Variants in PLCXD1 observed in about 807,000 individuals in gnomAD.
PLCXD1 encodes phosphatidylinositol specific phospholipase C X domain containing 1.
In PLCXD1, 45 loss-of-function variants were observed where a neutral mutation model predicts 37.8. The ratio of observed to expected loss-of-function variants is 1.19; its 90% confidence interval spans 0.94 to 1.53. The LOEUF (loss-of-function observed/expected upper bound fraction) is 1.53, where lower values mean the gene tolerates loss of function less well. PLCXD1 is among the 40% of genes most tolerant of loss of function. The pLI is 0.00. For missense variants in PLCXD1, 539 were observed against 454.7 expected, an observed-to-expected ratio of 1.19 and a Z score of -1.69; for synonymous variants, 246 against 206.9, an observed-to-expected ratio of 1.19 and a Z score of -1.62.
At chrX:289,080 C>T (rs2069546448) in intron 3 of PLCXD1, among the ~76,000 whole-genome samples, 1 of 152,088 alleles carries the variant, frequency 6.6e-6, no homozygotes, top group Non-Finnish European at 1.5e-5. Flanking sequence ...GAGAGGGGAA[C>T]AGTGTTTTTA....
At position 299,316 on chromosome X, in the gene PLCXD1, A is replaced by G. The variant is rs1602921787; in HGVS notation, c.953A>G (p.Gln318Arg). Reference sequence around the variant, plus strand: ...GTCAGTGACGTCATCGCGCTCAATCAGAAGCTGCTGTGGTGCTGACGGGAC... The same window carrying G: ...GTCAGTGACGTCATCGCGCTCAATCGGAAGCTGCTGTGGTGCTGACGGGAC... ...GFVSDVIALN[Q>R]KLLWC Residue 318 changes from glutamine to arginine, a missense_variant, in exon 7 of 7, where the codon CAG becomes CGG. Gln to Arg is a conservative substitution (Grantham distance 43, BLOSUM62 1). Transcript: ENST00000381657. 4 of 1,613,266 alleles carry G rather than the reference A, an allele frequency of 2.5e-6. No individual in the cohort carries two copies. The highest frequency in any genetic ancestry group is 3.4e-6 in the Non-Finnish European group (4 of 1,179,378).
intron 6 of PLCXD1, among the ~76,000 whole-genome samples, chrX:294,271 A>G (rs1022147205): frequency 5.3e-5 from 8 of 152,116 alleles, no homozygotes; most frequent in Middle Eastern, 3.4e-3. Context: ...TCATGAGGTC[A>G]GGAGATCGAG....
Position 291,534 on chromosome X carries a change from G to A in PLCXD1, c.429G>A (p.Arg143=), listed in dbSNP as rs764922414. The A allele has an allele frequency of 8.4e-5, 136 of 1,612,808 alleles. 1 individual carries two copies. In the South Asian group the frequency reaches 1.4e-3, roughly 17 times the overall value. ...TLTEISEWLE[R]HPREVVILAC... is the part of the protein sequence containing the mutation. ...CGGAAATCTCGGAGTGGCTGGAGCG[G>A]CATCCACGCGAGGTGGTCATCCTGG... The change falls in exon 5 of 7, where the codon CGG becomes CGA. Residue 143 remains arginine (R), a synonymous_variant. Transcript: ENST00000381657.
chrX:277,230 G>C (rs749582421), upstream of PLCXD1, among the ~76,000 whole-genome samples: 5 of 149,912 alleles, frequency 3.3e-5, no homozygotes, highest in African/African-American at 9.8e-5. Flanking sequence ...TCAGTGGTCA[G>C]GGGACTTGGG....
chrX:293,274 C>A, intron 6 of PLCXD1, 56 bp downstream of exon 6: 1 of 1,391,004 alleles, frequency 7.2e-7, no homozygotes, highest in Non-Finnish European at 1.0e-6. Flanking sequence ...TGACGCCCTG[C>A]GGCAGGCCGG....
chrX:302,663 C>T lies in PLCXD1; in HGVS notation c.*3328C>T, dbSNP rs1326769260. On this transcript the variant is annotated 3_prime_UTR_variant, in exon 7 of 7. Coordinates refer to ENST00000381657, the MANE Select transcript of PLCXD1 (RefSeq NM_018390.4). ...TCCTGGCTCACTGCAACCTCCACCT[C>T]CCGGGTTCCAGCAAATTCTCCTGCC... is the stretch of plus-strand genomic sequence containing the variant. The T allele has an allele frequency of 2.0e-5, 3 of 152,098 alleles. No homozygotes were observed. Among genetic ancestry groups the T allele is most frequent in the Non-Finnish European group, 4.4e-5 (3 of 68,028 alleles). The allele number at this position is 152,098 out of a possible 1,614,324, so 9.4% of individuals were successfully genotyped here. A position where few individuals can be genotyped will look rare whatever the true frequency, so the allele number is the denominator to read the frequency against.
upstream of PLCXD1, among the ~76,000 whole-genome samples, chrX:276,567 G>C (rs1025571949): frequency 3.3e-5 from 5 of 152,164 alleles, no homozygotes; most frequent in African/African-American, 1.2e-4. Context: ...TTCAGGGGGA[G>C]GGTCGCCTGG....
In PLCXD1 at chrX:283,615, C is replaced by A. The variant is rs2069348807; in HGVS notation, c.-21-552C>A. ...CCGTGGTGCCAGGCCCGGGTGGGGG[C>A]GGCCGTGTTGCCAGGCCCGGGTGGG... On this transcript the variant is annotated intron_variant, in intron 1 of 6. Coordinates refer to ENST00000381657, the MANE Select transcript of PLCXD1 (RefSeq NM_018390.4). 3 of 106,456 alleles carry A rather than the reference C, an allele frequency of 2.8e-5. No homozygotes were observed. The East Asian group carries it at 1.0e-3, about 35-fold the overall frequency. 6.6% of individuals were successfully genotyped at this position (106,456 alleles called of 1,614,324 possible).
chrX:290,263 T>TA (rs746561764), intron 3 of PLCXD1, among the ~76,000 whole-genome samples: 60 of 152,142 alleles, frequency 3.9e-4, no homozygotes, highest in African/African-American at 1.3e-3. Context: ...ACATCTCTAC[T>TA]AAAAATACAA....
intron 2 of PLCXD1, among the ~76,000 whole-genome samples, chrX:284,801 C>T: frequency 6.6e-6 from 1 of 152,334 alleles, no homozygotes; most frequent in Middle Eastern, 3.4e-3. Flanking sequence ...GGGGAGGCCT[C>T]ACAATCACGG....
In PLCXD1 at chrX:299,652, G is replaced by C; in HGVS notation, c.*317G>C. The C allele has an allele frequency of 2.1e-6, 1 of 472,770 alleles. No homozygotes were observed. The highest frequency in any genetic ancestry group is 3.8e-6 in the Non-Finnish European group (1 of 261,738). The allele number at this position is 472,770 out of a possible 1,614,324, so 29.3% of individuals were successfully genotyped here. On this transcript the variant is annotated 3_prime_UTR_variant, in exon 7 of 7. Transcript: ENST00000381657. ...GGCGCCTGTAGTCCCAGTTACTCGG[G>C]AGGCTCAGGCAGGAGAACTGCTTGA...
Position 302,335 on chromosome X carries a change from GTTTC to G in PLCXD1, c.*3006_*3009del, listed in dbSNP as rs1045273034. ...ACTCGCACACCGGTTTTCTGCACAG[GTTTC>G]TTTCTGCCTCTGAAGCGTGAACGGT... On this transcript the variant is annotated 3_prime_UTR_variant, in exon 7 of 7. Transcript: ENST00000381657. 2.0e-5 allele frequency: 3 copies of G among 152,174 alleles called. No individual in the cohort carries two copies. Among genetic ancestry groups the G allele is most frequent in the African/African-American group, 4.8e-5 (2 of 41,432 alleles). 9.4% of individuals were successfully genotyped at this position (152,174 alleles called of 1,614,324 possible). A position where few individuals can be genotyped will look rare whatever the true frequency, so the allele number is the denominator to read the frequency against.
chrX:289,311 T>A (rs1419270269), intron 3 of PLCXD1, among the ~76,000 whole-genome samples: 6 of 151,756 alleles, frequency 4.0e-5, no homozygotes, highest in Non-Finnish European at 7.4e-5. Flanking sequence ...ATGGTCTTGA[T>A]CTCCTGACCT....
At chrX:294,211 G>T (rs755232028) in intron 6 of PLCXD1, among the ~76,000 whole-genome samples, 1 of 152,128 alleles carries the variant, frequency 6.6e-6, no homozygotes, top group Non-Finnish European at 1.5e-5. Flanking sequence ...GGCCGGGCGC[G>T]GTGGCTCACG....
At chrX:283,879 T>TCTC in intron 1 of PLCXD1, 1 of 40,734 alleles carries the variant, frequency 2.5e-5, no homozygotes, top group Non-Finnish European at 4.8e-5. Flanking sequence ...TCTCTCTCTC[T>TCTC]TTTTTTTTTT....
At chrX:290,546 T>C (rs2069596600) in intron 3 of PLCXD1, 102 bp from the exon 4 acceptor site, 3 of 1,266,812 alleles carry the variant, frequency 2.4e-6, no homozygotes, top group Non-Finnish European at 3.4e-6. Context: ...CACGTCCCAG[T>C]GGGCAGCAGG....
At chrX:288,516 C>T (rs2069526719) in intron 2 of PLCXD1, among the ~76,000 whole-genome samples, 1 of 152,150 alleles carries the variant, frequency 6.6e-6, no homozygotes, top group Non-Finnish European at 1.5e-5. Flanking sequence ...TCATTTCAAC[C>T]TAATGATATC....
chrX:299,656 C>T lies in PLCXD1; in HGVS notation c.*321C>T, dbSNP rs1222585610. 4 of 463,160 alleles carry T rather than the reference C, an allele frequency of 8.6e-6. No homozygotes were observed. The highest frequency in any genetic ancestry group is 3.9e-5 in the African/African-American group (2 of 50,894). The allele number at this position is 463,160 out of a possible 1,614,324, so 28.7% of individuals were successfully genotyped here. On this transcript the variant is annotated 3_prime_UTR_variant, in exon 7 of 7. Coordinates refer to ENST00000381657, the MANE Select transcript of PLCXD1 (RefSeq NM_018390.4). ...CCTGTAGTCCCAGTTACTCGGGAGGCTCAGGCAGGAGAACTGCTTGAAGCC... is the reference window on the plus strand; with the variant it reads ...CCTGTAGTCCCAGTTACTCGGGAGGTTCAGGCAGGAGAACTGCTTGAAGCC...
At chrX:290,534 TC>T in intron 3 of PLCXD1, 113 bp from the exon 4 acceptor site, 1 of 1,125,532 alleles carries the variant, frequency 8.9e-7, no homozygotes, top group Non-Finnish European at 1.3e-6. Context: ...TGTTACGACA[TC>T]CACGTCCCAG....
Sources: allele counts gnomAD v4.1 joint callset (sites outside exome capture counted in the v4.1 genomes callset), GRCh38; gene constraint gnomAD v4.1.1; transcripts MANE v1.5; gene names NCBI Gene and HGNC (gene_info 2026-07-23, HGNC 2026-07-21).